ANKRD12: variants seen among roughly 807,000 people sequenced by gnomAD.
The protein encoded by ANKRD12 is ankyrin repeat domain 12, also known as ankyrin repeat domain-containing protein 12.
ANKRD12 carries 85 observed loss-of-function variants against 183.4 expected under a neutral mutation model. The observed-to-expected ratio is 0.46, with a 90% CI of 0.39 to 0.56. The LOEUF is 0.56. Among genes scored for constraint, ANKRD12 ranks in the 20% least tolerant of loss-of-function variants. The probability of loss-of-function intolerance (pLI) is 0.00; values close to 1 mark genes in which losing one functional copy is unlikely to be tolerated. For synonymous variants in ANKRD12, 914 were observed against 800.2 expected, an observed-to-expected ratio of 1.14 and a Z score of -2.40; for missense variants, 2,405 against 2,357.1, an observed-to-expected ratio of 1.02 and a Z score of -0.42.
intron 5 of ANKRD12, among the ~76,000 whole-genome samples, chr18:9,209,264 A>G (rs867886998): frequency 6.6e-6 from 1 of 152,226 alleles, no homozygotes; most frequent in Non-Finnish European, 1.5e-5. Context: ...GGAGCTAAAA[A>G]GGTAGATAAA....
At chr18:9,239,284 G>A (rs190192251) in intron 8 of ANKRD12, among the ~76,000 whole-genome samples, 23 of 152,266 alleles carry the variant, frequency 1.5e-4, no homozygotes, top group African/African-American at 4.8e-4. Flanking sequence ...GAAAATTGTA[G>A]CTATGAAAAG....
chr18:9,170,448 T>G (rs1253585355), intron 1 of ANKRD12, among the ~76,000 whole-genome samples: 1 of 152,204 alleles, frequency 6.6e-6, no homozygotes, highest in Non-Finnish European at 1.5e-5. Context: ...CTTGCTTCAT[T>G]TCATTCATTT....
chr18:9,177,978 T>C (rs921801257), intron 1 of ANKRD12, among the ~76,000 whole-genome samples: 2 of 152,256 alleles, frequency 1.3e-5, no homozygotes, highest in Non-Finnish European at 1.5e-5. Context: ...GAGTTATTTA[T>C]ATGTTCTGGA....
chr18:9,234,524 G>A (rs1038534382), intron 8 of ANKRD12, among the ~76,000 whole-genome samples: 5 of 152,104 alleles, frequency 3.3e-5, no homozygotes, highest in African/African-American at 1.2e-4. Context: ...ATACTCTCTT[G>A]AGTTAGAGTA....
chr18:9,258,417 A>T lies in ANKRD12; in HGVS notation c.5150A>T (p.Glu1717Val). 1 of 1,613,834 alleles carries T rather than the reference A, an allele frequency of 6.2e-7. No homozygotes were observed. The highest frequency in any genetic ancestry group is 1.1e-5 in the South Asian group (1 of 91,068). Residue 1717 changes from glutamate to valine, a missense_variant, in exon 9 of 13, where the codon GAA (glutamate) becomes GTA (valine). By Grantham distance (121) the Glu-to-Val change is moderately radical (BLOSUM62 -2). This residue lies in a region of ANKRD12 where 1,983 missense variants were observed against 1,725.9 expected (regional missense o/e 1.15). Coordinates refer to ENST00000262126, the MANE Select transcript of ANKRD12 (RefSeq NM_015208.5). ...AAATATGGTCAGTTAGTTAAAGTAG[A>T]ATTAGAAGAAAATGCCGAAGATGAT... Reference protein sequence around the residue: ...MHKYGQLVKVELEENAEDDKT... With the variant: ...MHKYGQLVKVVLEENAEDDKT...
intron 5 of ANKRD12, 52 bp from the exon 6 acceptor site, chr18:9,211,532 G>A (rs1024039539): frequency 1.1e-5 from 17 of 1,478,520 alleles, no homozygotes; most frequent in African/African-American, 1.4e-5. Context: ...ATTTAAATAA[G>A]TATACAGAAT....
chr18:9,161,622 CGCCTCG>C (rs2031433568), intron 1 of ANKRD12, among the ~76,000 whole-genome samples: 1 of 151,888 alleles, frequency 6.6e-6, no homozygotes, highest in Non-Finnish European at 1.5e-5. Flanking sequence ...GTGATCCGCC[CGCCTCG>C]GCCTTCCAAA....
intron 10 of ANKRD12, among the ~76,000 whole-genome samples, chr18:9,269,158 G>A (rs1452200613): frequency 1.3e-5 from 2 of 152,202 alleles, no homozygotes; most frequent in African/African-American, 4.8e-5. Flanking sequence ...AAGCTCATGG[G>A]TAGGAAGAAT....
intron 10 of ANKRD12, among the ~76,000 whole-genome samples, chr18:9,265,349 G>A (rs377544036): frequency 2.0e-5 from 3 of 152,206 alleles, no homozygotes; most frequent in East Asian, 1.9e-4. Context: ...CCTGACCCCC[G>A]AGTAGCCTAA....
chr18:9,285,050 A>T lies in ANKRD12; in HGVS notation c.*3924A>T, dbSNP rs889301944. ...TGAAACCCCGTCTCTACTAAACAAA[A>T]TGCAAAAAATCAGCCGGGTGTGGCC... On this transcript the variant is annotated 3_prime_UTR_variant, in exon 13 of 13. Coordinates refer to ENST00000262126, the MANE Select transcript of ANKRD12 (RefSeq NM_015208.5). 1 of 152,186 alleles carries T rather than the reference A, an allele frequency of 6.6e-6. No individual in the cohort carries two copies. The highest frequency in any genetic ancestry group is 1.5e-5 in the Non-Finnish European group (1 of 68,126). The allele number at this position is 152,186 out of a possible 1,614,324, so 9.4% of individuals were successfully genotyped here.
chr18:9,151,457 A>G (rs1221410585), intron 1 of ANKRD12, among the ~76,000 whole-genome samples: 3 of 152,182 alleles, frequency 2.0e-5, no homozygotes, highest in Non-Finnish European at 4.4e-5. Context: ...AATGTCATCT[A>G]ATTTAATTTT....
chr18:9,265,733 C>T lies in ANKRD12; in HGVS notation c.5763+1845C>T, dbSNP rs571025834. ...GAGCGCCTCTCCTCCTCCAAAGGAA[C>T]GCAGCTCCTCACCAGCAACGGAACA... On this transcript the variant is annotated intron_variant, in intron 10 of 12. Coordinates refer to ENST00000262126, the MANE Select transcript of ANKRD12 (RefSeq NM_015208.5). Among the ~76,000 whole-genome samples, 113 of 152,278 alleles carry T rather than the reference C, an allele frequency of 7.4e-4. 1 individual carries two copies. The highest frequency in any genetic ancestry group is 2.5e-3 in the African/African-American group (104 of 41,548).
chr18:9,228,398 CTT>C (rs537284176), intron 8 of ANKRD12, among the ~76,000 whole-genome samples: 261 of 152,234 alleles, frequency 1.7e-3, no homozygotes, highest in Non-Finnish European at 3.0e-3. Flanking sequence ...AATCTCCAAA[CTT>C]TTCCATAGCA....
At chr18:9,173,628 A>G (rs144675973) in intron 1 of ANKRD12, among the ~76,000 whole-genome samples, 10,939 of 50,270 alleles carry the variant, frequency 0.22, 356 homozygotes, top group African/African-American at 0.29. Context: ...GGGGGGGGGT[A>G]GGGGGGGCAG....
chr18:9,188,826 G>A (rs767440520), intron 2 of ANKRD12, among the ~76,000 whole-genome samples: 8 of 152,336 alleles, frequency 5.3e-5, no homozygotes, highest in Non-Finnish European at 8.8e-5. Flanking sequence ...GCTTAATGTT[G>A]TATGTGTTCT....
In ANKRD12 at chr18:9,258,565, T is replaced by C; in HGVS notation, c.5298T>C (p.Ser1766=). Residue 1766 remains serine (S), a synonymous_variant, in exon 9 of 13, where the codon TCT becomes TCC. Transcript: ENST00000262126. The stretch of plus-strand genomic sequence containing the variant: ...CAGAAAAAGACAGTGAATCCTCATC[T>C]CCTAGAGGAAGAATAAGATTAACTG... The part of the protein sequence containing the change: ...LLSEKDSESS[S]PRGRIRLTED... 6 of 1,613,824 alleles carry C rather than the reference T, an allele frequency of 3.7e-6. No individual in the cohort carries two copies. The highest frequency in any genetic ancestry group is 2.2e-5 in the South Asian group (2 of 91,040).
intron 1 of ANKRD12, among the ~76,000 whole-genome samples, chr18:9,170,020 T>G (rs1425956688): frequency 6.6e-6 from 1 of 152,358 alleles, no homozygotes; most frequent in East Asian, 1.9e-4. Flanking sequence ...TTATTTTCTT[T>G]AAGAATGTTG....
At chr18:9,168,634 T>C (rs966077283) in intron 1 of ANKRD12, among the ~76,000 whole-genome samples, 18 of 151,992 alleles carry the variant, frequency 1.2e-4, no homozygotes, top group African/African-American at 9.7e-5. Flanking sequence ...GTCTTGCTAG[T>C]GGTCTATCAA....
intron 1 of ANKRD12, among the ~76,000 whole-genome samples, chr18:9,178,488 C>G (rs1204005242): frequency 9.0e-6 from 1 of 111,000 alleles, no homozygotes; most frequent in African/African-American, 3.4e-5. Flanking sequence ...ACTTTCCGTT[C>G]TGTTCCGTTA....
Sources: gnomAD v4.1 joint callset for allele counts (sites outside exome capture counted in the v4.1 genomes callset) on GRCh38, gnomAD v4.1.1 for gene constraint, gnomAD v4.1.1 regional missense constraint, MANE v1.5 for transcripts, NCBI Gene and HGNC (gene_info 2026-07-23, HGNC 2026-07-21) for gene names.